Variants in VRK1 observed in about 807,000 individuals in gnomAD.
The protein encoded by VRK1 is VRK serine/threonine kinase 1, also known as serine/threonine-protein kinase VRK1.
In VRK1, 33 loss-of-function variants were observed where a neutral mutation model predicts 57.1. The observed-to-expected ratio is 0.58, with a 90% CI of 0.44 to 0.77. The LOEUF is 0.77. Among genes scored for constraint, VRK1 ranks in the 30% least tolerant of loss-of-function variants. The probability of loss-of-function intolerance (pLI) is 0.00; values close to 1 mark genes in which losing one functional copy is unlikely to be tolerated. For missense variants in VRK1, 413 were observed against 477.3 expected (o/e 0.87, Z 1.25); for synonymous variants, 137 against 147.8 (o/e 0.93, Z 0.53).
chr14:96,811,642 C>G (rs1415409028), intron 1 of VRK1, among the ~76,000 whole-genome samples: 1 of 152,178 alleles, frequency 6.6e-6, no homozygotes, highest in Admixed American at 6.5e-5. Flanking sequence ...TCTTTGTGTT[C>G]TTAGTGGCCT....
chr14:96,870,007 A>G (rs1888753934), intron 11 of VRK1, among the ~76,000 whole-genome samples: 2 of 152,188 alleles, frequency 1.3e-5, no homozygotes, highest in South Asian at 4.1e-4. Context: ...ATAGTATTAT[A>G]TTAAATAGTT....
At chr14:96,815,338 G>A (rs1030959910) in intron 1 of VRK1, among the ~76,000 whole-genome samples, 9 of 152,150 alleles carry the variant, frequency 5.9e-5, no homozygotes, top group Admixed American at 2.0e-4. Flanking sequence ...GGAAATGAGG[G>A]ATGCAGATAA....
chr14:96,852,660 A>T (rs888900881), intron 5 of VRK1, among the ~76,000 whole-genome samples, 171 bp from the exon 6 acceptor site: 1 of 151,918 alleles, frequency 6.6e-6, no homozygotes, highest in African/African-American at 2.4e-5. Flanking sequence ...AGCACTCTGA[A>T]CTCTTTGAGA....
chr14:96,825,600 C>T (rs1235314905), intron 1 of VRK1, among the ~76,000 whole-genome samples: 1 of 152,136 alleles, frequency 6.6e-6, no homozygotes, highest in Non-Finnish European at 1.5e-5. Flanking sequence ...ACAAACAGTA[C>T]TGAAACTTCA....
chr14:96,870,434 A>G (rs1283852128), intron 11 of VRK1, among the ~76,000 whole-genome samples: 2 of 152,220 alleles, frequency 1.3e-5, no homozygotes, highest in Non-Finnish European at 2.9e-5. Context: ...GGTGCATGTC[A>G]TGGAACCCTC....
chr14:96,821,422 C>G (rs369695028), intron 1 of VRK1, among the ~76,000 whole-genome samples: 1 of 152,094 alleles, frequency 6.6e-6, no homozygotes, highest in East Asian at 1.9e-4. Context: ...AGGGGGAGGG[C>G]AGCTTGTGTA....
At chr14:96,807,878 A>G (rs1885943436) in intron 1 of VRK1, among the ~76,000 whole-genome samples, 1 of 152,084 alleles carries the variant, frequency 6.6e-6, no homozygotes, top group Admixed American at 6.5e-5. Context: ...GTATGTGATG[A>G]TGCTATGCAC....
rs888762581 is a variant in VRK1 at position 96,853,116 on chromosome 14, G to A, written c.526G>A (p.Gly176Arg). ...TATTCACGAGCATGAGTATGTGCAT[G>A]GAGATATCAAGGCCTCAAATCTTCT... The part of the protein sequence containing the change: ...EYIHEHEYVH[G>R]DIKASNLLLN... Residue 176 changes from glycine to arginine, a missense_variant, in exon 7 of 13, where the codon GGA becomes AGA. By Grantham distance (125) the Gly-to-Arg change is moderately radical. Around this residue, in one of 3 missense-constraint regions of VRK1, gnomAD observed 151 missense variants for 225.5 expected, o/e 0.67. Transcript: ENST00000216639. 14 of 1,613,852 alleles carry A rather than the reference G, an allele frequency of 8.7e-6. No individual in the cohort carries two copies. Among genetic ancestry groups the A allele is most frequent in the Non-Finnish European group, 1.2e-5 (14 of 1,179,850 alleles).
chr14:96,851,816 T>C (rs546464187), intron 5 of VRK1, among the ~76,000 whole-genome samples: 10 of 152,218 alleles, frequency 6.6e-5, no homozygotes, highest in African/African-American at 2.4e-4. Context: ...CTTTATAGAG[T>C]GATGTGAGGT....
At chr14:96,826,955 A>C (rs1406821950) in intron 1 of VRK1, among the ~76,000 whole-genome samples, 1 of 152,180 alleles carries the variant, frequency 6.6e-6, no homozygotes, top group African/African-American at 2.4e-5. Flanking sequence ...GTGAAGGTCA[A>C]ACAGGGTATG....
chr14:96,850,344 A>G (rs957342232), intron 5 of VRK1, among the ~76,000 whole-genome samples: 6 of 152,132 alleles, frequency 3.9e-5, no homozygotes, highest in Non-Finnish European at 7.4e-5. Flanking sequence ...TTTTACACTG[A>G]TTTATATTTT....
chr14:96,852,589 T>C (rs1887993358), intron 5 of VRK1, among the ~76,000 whole-genome samples: 1 of 152,194 alleles, frequency 6.6e-6, no homozygotes, highest in African/African-American at 2.4e-5. Context: ...TTAAATTGAA[T>C]AGTCTCTTGA....
intron 1 of VRK1, among the ~76,000 whole-genome samples, chr14:96,809,106 T>C (rs1886049429): frequency 6.6e-6 from 1 of 152,200 alleles, no homozygotes; most frequent in African/African-American, 2.4e-5. Flanking sequence ...ACTGGGATCA[T>C]CTGATACTAT....
chr14:96,812,533 C>T (rs1201240281), intron 1 of VRK1, among the ~76,000 whole-genome samples: 1 of 152,136 alleles, frequency 6.6e-6, no homozygotes, highest in Non-Finnish European at 1.5e-5. Context: ...GCTTGTTGGC[C>T]ATTTGTTTAT....
At chr14:96,875,180 T>C (rs918151061) in intron 11 of VRK1, among the ~76,000 whole-genome samples, 3 of 152,214 alleles carry the variant, frequency 2.0e-5, no homozygotes, top group African/African-American at 7.2e-5. Flanking sequence ...TCTATAATTT[T>C]ACCTATGTAT....
intron 10 of VRK1, among the ~76,000 whole-genome samples, chr14:96,858,241 G>A (rs1257128590): frequency 6.6e-6 from 1 of 151,946 alleles, no homozygotes; most frequent in Non-Finnish European, 1.5e-5. Context: ...ACAGGCACAC[G>A]CCACCACACC....
At chr14:96,801,475 T>C (rs887171115) in intron 1 of VRK1, among the ~76,000 whole-genome samples, 2 of 152,150 alleles carry the variant, frequency 1.3e-5, no homozygotes, top group Non-Finnish European at 2.9e-5. Context: ...GTCTTTAGAG[T>C]TGCTTTTTTC....
intron 1 of VRK1, among the ~76,000 whole-genome samples, chr14:96,801,551 C>T (rs1015120534): frequency 4.6e-5 from 7 of 151,790 alleles, no homozygotes; most frequent in African/African-American, 1.7e-4. Context: ...TATGTAATTA[C>T]AGTGTACCCT....
chr14:96,833,665 A>G, intron 2 of VRK1, 34 bp downstream of exon 2: 3 of 1,612,862 alleles, frequency 1.9e-6, no homozygotes. Context: ...GATCAATCCA[A>G]AGATTTATAT....
Sources: gnomAD v4.1 joint callset for allele counts (sites outside exome capture counted in the v4.1 genomes callset) on GRCh38, gnomAD v4.1.1 for gene constraint, gnomAD v4.1.1 regional missense constraint, MANE v1.5 for transcripts, NCBI Gene and HGNC (gene_info 2026-07-23, HGNC 2026-07-21) for gene names.